The following MYO1B variants were observed in gnomAD, a reference collection of about 807,000 sequenced individuals.
MYO1B encodes the protein unconventional myosin-Ib.
Under a neutral mutation model 159.7 loss-of-function variants are expected in MYO1B, and 72 were observed. The observed-to-expected ratio is 0.45, with a 90% CI of 0.37 to 0.55. The LOEUF (loss-of-function observed/expected upper bound fraction) is 0.55. MYO1B is among the 20% of genes least tolerant of loss of function. The pLI is 0.00. For missense variants in MYO1B, 1,062 were observed against 1,364.8 expected (o/e 0.78, Z 3.50); for synonymous variants, 468 against 473.8 (o/e 0.99, Z 0.16).
chr2:191,400,856 A>C, intron 23 of MYO1B, 21 bp downstream of exon 23: 2 of 1,607,750 alleles, frequency 1.2e-6, no homozygotes, highest in Non-Finnish European at 1.7e-6. Context: ...CACATATCCC[A>C]ACACTCCATC....
chr2:191,398,406 G>T (rs1696325754), intron 21 of MYO1B, among the ~76,000 whole-genome samples: 1 of 81,254 alleles, frequency 1.2e-5, no homozygotes. Flanking sequence ...CGGGGCGGCT[G>T]GCCGGGCGGG....
At chr2:191,416,035 GTA>G (rs1697541418) in intron 29 of MYO1B, 78 bp from the exon 30 acceptor site, 5 of 1,425,846 alleles carry the variant, frequency 3.5e-6, no homozygotes, top group Non-Finnish European at 4.8e-6. Flanking sequence ...GAGACTGTAA[GTA>G]TGTTTTTAGC....
At chr2:191,324,131 A>C in intron 3 of MYO1B, among the ~76,000 whole-genome samples, 1 of 152,100 alleles carries the variant, frequency 6.6e-6, no homozygotes, top group South Asian at 2.1e-4. Flanking sequence ...CCTATCTATG[A>C]TTTTATATTT....
chr2:191,288,315 T>G (rs1688501640), intron 2 of MYO1B, among the ~76,000 whole-genome samples: 1 of 152,096 alleles, frequency 6.6e-6, no homozygotes, highest in Non-Finnish European at 1.5e-5. Flanking sequence ...CCTAACGTCT[T>G]ATGTCACTCT....
chr2:191,343,562 C>T (rs189376181), intron 5 of MYO1B, among the ~76,000 whole-genome samples: 9 of 152,272 alleles, frequency 5.9e-5, no homozygotes, highest in Admixed American at 3.9e-4. Flanking sequence ...TTATGGAAAG[C>T]GATATCTCTC....
intron 30 of MYO1B, among the ~76,000 whole-genome samples, chr2:191,420,190 A>G (rs1697850061): frequency 6.6e-6 from 1 of 152,194 alleles, no homozygotes; most frequent in African/African-American, 2.4e-5. Flanking sequence ...GAGACAGACC[A>G]AGACCCTGCC....
At chr2:191,274,156 T>G (rs1687617419) in intron 1 of MYO1B, among the ~76,000 whole-genome samples, 2 of 152,240 alleles carry the variant, frequency 1.3e-5, no homozygotes, top group Admixed American at 6.5e-5. Context: ...CAAAACTGTT[T>G]GCATGATTCA....
intron 4 of MYO1B, among the ~76,000 whole-genome samples, chr2:191,335,216 C>T (rs747377885): frequency 6.6e-6 from 1 of 152,094 alleles, no homozygotes; most frequent in Non-Finnish European, 1.5e-5. Context: ...AGCACCTAGC[C>T]CTTGAGTCCT....
chr2:191,387,750 A>G (rs1269643459), intron 17 of MYO1B: 2 of 391,684 alleles, frequency 5.1e-6, no homozygotes, highest in Admixed American at 4.0e-5. Context: ...TTTAATGGCA[A>G]GTTAAAAAAC....
chr2:191,252,682 T>C lies in MYO1B; in HGVS notation c.-10+7056T>C, dbSNP rs149097200. Among the ~76,000 whole-genome samples, 452 of 152,328 alleles carry C rather than the reference T, an allele frequency of 3.0e-3. 2 individuals carry two copies. The highest frequency in any genetic ancestry group is 0.01 in the African/African-American group (434 of 41,568). On this transcript the variant is annotated intron_variant, in intron 1 of 30. Transcript: ENST00000392318. Reference sequence around the variant, plus strand: ...GCTCCTAAATTTAACAGGGGACGGATCTGAGAAACTGACTCCAAGTTGTAA... The same window carrying C: ...GCTCCTAAATTTAACAGGGGACGGACCTGAGAAACTGACTCCAAGTTGTAA...
At chr2:191,287,024 C>T (rs1242147954) in intron 2 of MYO1B, among the ~76,000 whole-genome samples, 1 of 152,182 alleles carries the variant, frequency 6.6e-6, no homozygotes, top group Non-Finnish European at 1.5e-5. Flanking sequence ...ATGGTATTAA[C>T]ATATTTTATG....
At chr2:191,254,337 C>T (rs189034326) in intron 1 of MYO1B, among the ~76,000 whole-genome samples, 45 of 152,144 alleles carry the variant, frequency 3.0e-4, no homozygotes, top group African/African-American at 9.6e-4. Flanking sequence ...CTCAGCCTCC[C>T]GAGTAGCTGG....
chr2:191,246,867 T>A (rs111563123), intron 1 of MYO1B, among the ~76,000 whole-genome samples: 6,288 of 152,040 alleles, frequency 0.041, 418 homozygotes, highest in African/African-American at 0.14. Flanking sequence ...CACACCAGCG[T>A]TTGGGGTTTG....
chr2:191,391,644 G>A (rs532997331), intron 18 of MYO1B, among the ~76,000 whole-genome samples: 148 of 152,268 alleles, frequency 9.7e-4, no homozygotes, highest in African/African-American at 3.4e-3. Flanking sequence ...TCTTGCTCCC[G>A]CTGGGTAAGG....
Position 191,289,190 on chromosome 2 carries a change from G to A in MYO1B, c.136-6921G>A, listed in dbSNP as rs116747154. On this transcript the variant is annotated intron_variant, in intron 2 of 30. Transcript: ENST00000392318. Reference sequence around the variant, plus strand: ...TGGGAGGCTTTTGCCTAACAGAGTAGCGCTTTATTACACAAAGGTTGAAGA... The same window carrying A: ...TGGGAGGCTTTTGCCTAACAGAGTAACGCTTTATTACACAAAGGTTGAAGA... Among the ~76,000 whole-genome samples, 881 of 152,326 alleles carry A rather than the reference G, an allele frequency of 5.8e-3. 10 individuals are homozygous for A. The highest frequency in any genetic ancestry group is 0.021 in the African/African-American group (855 of 41,572).
intron 5 of MYO1B, among the ~76,000 whole-genome samples, chr2:191,345,796 G>C (rs905066420): frequency 3.3e-5 from 5 of 152,032 alleles, no homozygotes; most frequent in African/African-American, 1.2e-4. Context: ...CAATTTAAAG[G>C]TTCACATGCC....
intron 7 of MYO1B, among the ~76,000 whole-genome samples, chr2:191,353,941 C>T (rs1322427698): frequency 6.6e-6 from 1 of 152,146 alleles, no homozygotes; most frequent in Non-Finnish European, 1.5e-5. Context: ...TGGTTCATTA[C>T]TGAGTGACCA....
At chr2:191,365,736 A>G (rs1407370712) in intron 11 of MYO1B, among the ~76,000 whole-genome samples, 7 of 152,228 alleles carry the variant, frequency 4.6e-5, no homozygotes, top group Admixed American at 4.6e-4. Context: ...CTGAAAGGGC[A>G]TATCAAAAAG....
intron 1 of MYO1B, among the ~76,000 whole-genome samples, chr2:191,248,415 T>G (rs549107459): frequency 6.6e-6 from 1 of 152,348 alleles, no homozygotes; most frequent in African/African-American, 2.4e-5. Context: ...ACACTTAATC[T>G]ACCGAACCTT....
Sources: gnomAD v4.1 joint callset for allele counts (sites outside exome capture counted in the v4.1 genomes callset) on GRCh38, gnomAD v4.1.1 for gene constraint, MANE v1.5 for transcripts, NCBI Gene and HGNC (gene_info 2026-07-23, HGNC 2026-07-21) for gene names.